Variants in SLC25A30 observed in about 807,000 individuals in gnomAD.
SLC25A30 encodes kidney mitochondrial carrier protein 1.
In SLC25A30, 29 loss-of-function variants were observed where a neutral mutation model predicts 42.7. That is an observed-to-expected ratio of 0.68 (90% CI 0.51 to 0.93). The LOEUF (loss-of-function observed/expected upper bound fraction) is 0.93. SLC25A30 is among the 40% of genes least tolerant of loss of function. SLC25A30 has a pLI of 0.00. For missense variants in SLC25A30, 300 were observed against 359.7 expected (o/e 0.83, Z 1.34); for synonymous variants, 124 against 131.0 (o/e 0.95, Z 0.37).
At chr13:45,424,549 ATAAATATATATAAATG>A in the SLC25A30 span, among the ~76,000 whole-genome samples, 2 of 75,600 alleles carry the variant, frequency 2.6e-5, 1 homozygote, top group Non-Finnish European at 4.8e-5. Context: ...ATATAAATAT[ATAAATATATATAAATG>A]TATAAATATA....
chr13:45,424,616 T>A, the SLC25A30 span, among the ~76,000 whole-genome samples: 3 of 55,748 alleles, frequency 5.4e-5, no homozygotes, highest in Non-Finnish European at 1.0e-4. Flanking sequence ...TAAATATATA[T>A]AAATATATAT....
chr13:45,398,838 G>C (rs1881628194), intron 8 of SLC25A30, 102 bp downstream of exon 8: 1 of 1,301,800 alleles, frequency 7.7e-7, no homozygotes, highest in Non-Finnish European at 1.1e-6. Flanking sequence ...GGGCTTTAAA[G>C]CATCATTCAT....
chr13:45,394,772 T>G lies in SLC25A30; in HGVS notation c.*1202A>C. On this transcript the variant is annotated 3_prime_UTR_variant, in exon 10 of 10. Coordinates refer to ENST00000519676, the MANE Select transcript of SLC25A30 (RefSeq NM_001010875.4). ...AAGGGAAAATATTACATACCACCTA[T>G]CAGAAACTAGCTAAATAGATGCACT... 1 of 985,182 alleles carries G rather than the reference T, an allele frequency of 1.0e-6. No homozygotes were observed. The allele number at this position is 985,182 out of a possible 1,614,324, so 61.0% of individuals were successfully genotyped here.
the SLC25A30 span, among the ~76,000 whole-genome samples, chr13:45,425,651 A>C: frequency 2.2e-4 from 18 of 81,128 alleles, 1 homozygote; most frequent in South Asian, 5.7e-4. Context: ...TATATATATA[A>C]GTATATATAA....
At chr13:45,430,335 A>G in the SLC25A30 span, among the ~76,000 whole-genome samples, 1 of 152,120 alleles carries the variant, frequency 6.6e-6, no homozygotes, top group Non-Finnish European at 1.5e-5. Context: ...CTCTATAGAG[A>G]CATGATATCT....
the SLC25A30 span, among the ~76,000 whole-genome samples, chr13:45,424,596 T>TATATAGAAATATATAGAAATATATAG: frequency 1.8e-5 from 1 of 56,162 alleles, no homozygotes; most frequent in African/African-American, 7.7e-5. Flanking sequence ...TAAATATATA[T>TATATAGAAATATATAGAAATATATAG]AAATATATAT....
intron 1 of SLC25A30, among the ~76,000 whole-genome samples, chr13:45,416,692 G>C (rs977786825): frequency 1.3e-5 from 2 of 152,098 alleles, no homozygotes. Flanking sequence ...GGGCACATAA[G>C]CCCAGGACTT....
At chr13:45,421,995 T>C (rs1195714437), upstream of SLC25A30, among the ~76,000 whole-genome samples, 1 of 152,146 alleles carries the variant, frequency 6.6e-6, no homozygotes, top group African/African-American at 2.4e-5. Context: ...GTTAGAACAG[T>C]AACATCCACA....
At chr13:45,425,436 G>A in the SLC25A30 span, among the ~76,000 whole-genome samples, 13 of 105,538 alleles carry the variant, frequency 1.2e-4, no homozygotes, top group Admixed American at 2.7e-4. Flanking sequence ...ATAAATATAT[G>A]TATATATAAA....
At chr13:45,396,411 G>A (rs1881328274) in intron 9 of SLC25A30, 1 of 948,936 alleles carries the variant, frequency 1.1e-6, no homozygotes, top group South Asian at 4.0e-5. Context: ...GGAGGCAGGA[G>A]CTGATGAAGA....
chr13:45,398,804 A>G (rs1050447033), intron 8 of SLC25A30, 136 bp downstream of exon 8: 7 of 819,612 alleles, frequency 8.5e-6, no homozygotes, highest in African/African-American at 1.8e-5. Context: ...TGTGGCAAAA[A>G]TGGTCTCACA....
At chr13:45,417,636 A>G (rs1883647876) in intron 1 of SLC25A30, among the ~76,000 whole-genome samples, 2 of 152,244 alleles carry the variant, frequency 1.3e-5, no homozygotes, top group South Asian at 4.1e-4. Context: ...AGCCAAAAGC[A>G]AGATTCATGC....
the SLC25A30 span, among the ~76,000 whole-genome samples, chr13:45,428,492 C>G: frequency 0.09 from 13,426 of 149,814 alleles, 681 homozygotes; most frequent in Middle Eastern, 0.11. Flanking sequence ...CAGGCATGAG[C>G]CACCAAGCCC....
intron 8 of SLC25A30, chr13:45,397,873 T>C: frequency 1.0e-6 from 1 of 985,522 alleles, no homozygotes; most frequent in Non-Finnish European, 1.2e-6. Flanking sequence ...ACAAAGGAGA[T>C]AAACACTGTT....
chr13:45,424,104 A>AAAATATATAT, the SLC25A30 span, among the ~76,000 whole-genome samples: 1 of 37,462 alleles, frequency 2.7e-5, no homozygotes, highest in East Asian at 4.5e-4. Flanking sequence ...TAAATATATA[A>AAAATATATAT]AAATATATAT....
intron 1 of SLC25A30, among the ~76,000 whole-genome samples, chr13:45,415,762 AAAAG>A (rs1042118968): frequency 1.3e-4 from 20 of 150,676 alleles, no homozygotes; most frequent in Middle Eastern, 3.4e-3. Flanking sequence ...AAAAAAAAAA[AAAAG>A]AAAGAAAGCT....
chr13:45,426,640 A>G, the SLC25A30 span, among the ~76,000 whole-genome samples: 1 of 152,078 alleles, frequency 6.6e-6, no homozygotes, highest in African/African-American at 2.4e-5. Context: ...AGCCTATAAC[A>G]GCCATTTGTA....
the SLC25A30 span, among the ~76,000 whole-genome samples, chr13:45,428,200 T>C: frequency 4.6e-5 from 7 of 151,914 alleles, no homozygotes; most frequent in East Asian, 1.4e-3. Flanking sequence ...ATGTTCTTTC[T>C]TTCTTTCTTT....
intron 1 of SLC25A30, among the ~76,000 whole-genome samples, chr13:45,417,484 C>G (rs139063244): frequency 5.8e-4 from 89 of 152,254 alleles, no homozygotes; most frequent in Middle Eastern, 3.4e-3. Context: ...TTTCCTATTT[C>G]CTATTCTTTT....
Sources: allele counts gnomAD v4.1 joint callset (sites outside exome capture counted in the v4.1 genomes callset), GRCh38; gene constraint gnomAD v4.1.1; transcripts MANE v1.5; gene names NCBI Gene and HGNC (gene_info 2026-07-23, HGNC 2026-07-21).